The following FHIT variants were observed in gnomAD, a reference collection of about 807,000 sequenced individuals.
FHIT encodes the protein fragile histidine triad diadenosine triphosphatase, also known as bis(5'-adenosyl)-triphosphatase.
FHIT carries 19 observed loss-of-function variants against 17.9 expected under a neutral mutation model. The ratio of observed to expected loss-of-function variants is 1.06; its 90% CI spans 0.74 to 1.56. The LOEUF (loss-of-function observed/expected upper bound fraction) is 1.56, where lower values mean the gene tolerates loss of function less well. Among genes scored for constraint, FHIT ranks in the 40% most tolerant of loss-of-function variants. The pLI, the probability that FHIT is intolerant of heterozygous loss-of-function variation, is 0.00. For missense variants in FHIT, 248 were observed against 189.2 expected, an observed-to-expected ratio of 1.31 and a Z score of -1.82; for synonymous variants, 81 against 69.7, an observed-to-expected ratio of 1.16 and a Z score of -0.81.
intron 5 of FHIT, among the ~76,000 whole-genome samples, chr3:60,142,021 AAAAG>A (rs1293667611): frequency 1.3e-5 from 2 of 152,232 alleles, no homozygotes; most frequent in African/African-American, 4.8e-5. Context: ...GGGGGGATAA[AAAAG>A]AAGGTAAGCA....
In FHIT at chr3:60,260,253, T is replaced by G. The variant is rs971682423; in HGVS notation, c.104-246101A>C. On this transcript the variant is annotated intron_variant, in intron 5 of 9. Transcript: ENST00000492590. ...CACTTCAGGGTGTACCAATTAAGTA[T>G]GATGACTGCAGCAAAATAGTGAGTA... 2.0e-5 allele frequency among the ~76,000 whole-genome samples: 3 copies of G among 151,814 alleles called. No homozygotes were observed. The East Asian group carries it at 5.8e-4, about 30-fold the overall frequency.
chr3:60,027,849 G>A (rs1700818827), intron 5 of FHIT, among the ~76,000 whole-genome samples: 1 of 152,090 alleles, frequency 6.6e-6, no homozygotes, highest in African/African-American at 2.4e-5. Flanking sequence ...CTGTCTAGTG[G>A]AACTTTCTAT....
At chr3:59,894,167 C>G (rs1227905082) in intron 8 of FHIT, among the ~76,000 whole-genome samples, 1 of 151,946 alleles carries the variant, frequency 6.6e-6, no homozygotes, top group African/African-American at 2.4e-5. Flanking sequence ...TCACCTCAGC[C>G]CAGTAACGTC....
chr3:60,312,140 TG>T, intron 5 of FHIT, among the ~76,000 whole-genome samples: 1 of 152,222 alleles, frequency 6.6e-6, no homozygotes, highest in South Asian at 2.1e-4. Flanking sequence ...CCTGTACTAA[TG>T]GGATAAAAAA....
At chr3:60,274,732 A>C (rs918781089) in intron 5 of FHIT, among the ~76,000 whole-genome samples, 2 of 152,202 alleles carry the variant, frequency 1.3e-5, no homozygotes, top group South Asian at 2.1e-4. Context: ...GAGTCTGTTC[A>C]GGTCTACTAC....
chr3:60,942,661 G>A (rs576186311), intron 3 of FHIT, among the ~76,000 whole-genome samples: 7 of 151,470 alleles, frequency 4.6e-5, no homozygotes, highest in Non-Finnish European at 8.8e-5. Flanking sequence ...TTTTTTGCTC[G>A]GTTGATCTTC....
rs575698572 is a variant in FHIT, at chr3:59,814,886, G to GA, written c.349-62566dup. 1.6e-3 allele frequency among the ~76,000 whole-genome samples: 245 copies of GA among 151,784 alleles called. 1 individual carries two copies. Among genetic ancestry groups the GA allele is most frequent in the Non-Finnish European group, 2.9e-3 (194 of 67,912 alleles). ...TACCATGCAGTGGGGGAATAAATAT[G>GA]AAAAAAAATATAAGATCATTGCACT... On this transcript the variant is annotated intron_variant, in intron 8 of 9. Transcript: ENST00000492590.
chr3:60,824,595 A>T (rs1347409038), intron 3 of FHIT, among the ~76,000 whole-genome samples: 1 of 152,226 alleles, frequency 6.6e-6, no homozygotes, highest in Non-Finnish European at 1.5e-5. Flanking sequence ...CCTCACTGAT[A>T]TGGTTTGGCT....
intron 8 of FHIT, among the ~76,000 whole-genome samples, chr3:59,814,111 T>C (rs867829054): frequency 1.3e-5 from 2 of 151,886 alleles, no homozygotes; most frequent in African/African-American, 4.8e-5. Flanking sequence ...GAAAGCCTGC[T>C]ATCCTTGGCA....
chr3:60,341,363 T>A (rs952838575), intron 5 of FHIT, among the ~76,000 whole-genome samples: 1 of 152,170 alleles, frequency 6.6e-6, no homozygotes, highest in Non-Finnish European at 1.5e-5. Flanking sequence ...AACTGAGAAA[T>A]TAAAATCTGT....
intron 5 of FHIT, among the ~76,000 whole-genome samples, chr3:60,172,330 A>G (rs1701458135): frequency 6.6e-6 from 1 of 152,124 alleles, no homozygotes. Context: ...CAATGGCACA[A>G]TCTCAGCTCA....
intron 5 of FHIT, among the ~76,000 whole-genome samples, chr3:60,130,872 CGTATACAT>C (rs1318771007): frequency 7.5e-6 from 1 of 132,998 alleles, no homozygotes; most frequent in Non-Finnish European, 1.6e-5. Context: ...TATATAGACA[CGTATACAT>C]GTATATACAC....
At chr3:60,117,701 G>A (rs374904028) in intron 5 of FHIT, among the ~76,000 whole-genome samples, 4 of 152,230 alleles carry the variant, frequency 2.6e-5, no homozygotes, top group South Asian at 2.1e-4. Context: ...ATGAACAGAC[G>A]CGCAGAGAAT....
intron 2 of FHIT, among the ~76,000 whole-genome samples, chr3:61,125,972 G>C (rs1048261673): frequency 1.3e-5 from 2 of 152,174 alleles, no homozygotes; most frequent in African/African-American, 2.4e-5. Context: ...TAACAGGATG[G>C]TGAGTTGCTG....
At chr3:60,040,650 G>T (rs1186820352) in intron 5 of FHIT, among the ~76,000 whole-genome samples, 1 of 152,164 alleles carries the variant, frequency 6.6e-6, no homozygotes, top group African/African-American at 2.4e-5. Context: ...CAAGAGAACT[G>T]CGGAGGCTAA....
At chr3:59,807,830 G>A (rs894956306) in intron 8 of FHIT, among the ~76,000 whole-genome samples, 1 of 152,138 alleles carries the variant, frequency 6.6e-6, no homozygotes, top group Non-Finnish European at 1.5e-5. Flanking sequence ...CGTGGGCCGT[G>A]GAAAAGGAAT....
At chr3:60,465,632 C>T (rs1480163001) in intron 5 of FHIT, among the ~76,000 whole-genome samples, 1 of 151,922 alleles carries the variant, frequency 6.6e-6, no homozygotes, top group Non-Finnish European at 1.5e-5. Flanking sequence ...CCCAGCACCA[C>T]TTACTGAAGA....
chr3:59,948,530 T>TA (rs199516436), intron 7 of FHIT, among the ~76,000 whole-genome samples: 5 of 149,860 alleles, frequency 3.3e-5, no homozygotes, highest in Admixed American at 2.0e-4. Flanking sequence ...AAAATAAAAA[T>TA]AAAAAAAAAT....
intron 3 of FHIT, among the ~76,000 whole-genome samples, chr3:60,889,171 T>C (rs531593472): frequency 3.3e-5 from 5 of 152,256 alleles, no homozygotes; most frequent in Non-Finnish European, 5.9e-5. Context: ...CCATTTTTTT[T>C]CCCTCCAAAG....
Sources: allele counts gnomAD v4.1 joint callset (sites outside exome capture counted in the v4.1 genomes callset), GRCh38; gene constraint gnomAD v4.1.1; transcripts MANE v1.5; gene names NCBI Gene and HGNC (gene_info 2026-07-23, HGNC 2026-07-21).